GNAS: variants seen among roughly 807,000 people sequenced by gnomAD.
The protein encoded by GNAS is GNAS complex locus.
Under a neutral mutation model 54.5 loss-of-function variants are expected in GNAS, and 8 were observed. The observed-to-expected ratio is 0.15, with a 90% confidence interval of 0.09 to 0.26. GNAS has a LOEUF of 0.26. GNAS is among the 10% of genes least tolerant of loss of function. The pLI is 1.00. For missense variants in GNAS, 170 were observed against 529.8 expected (o/e 0.32, Z 6.67); for synonymous variants, 204 against 191.4 (o/e 1.07, Z -0.54).
chr20:58,900,448 TTGTC>T lies in GNAS; in HGVS notation c.257+1469_257+1472del, dbSNP rs1194625579. On this transcript the variant is annotated intron_variant, in intron 3 of 12. Transcript: ENST00000371085. ...GCGTCTGTCTTCTGTCTTCCTTCCT[TTGTC>T]TGTCTTTTCCCACCAAAGCACAAGG... 13 of 195,300 alleles carry T rather than the reference TTGTC, an allele frequency of 6.7e-5. No homozygotes were observed. The East Asian group carries it at 9.0e-4, about 13-fold the overall frequency. 12.1% of individuals were successfully genotyped at this position (195,300 alleles called of 1,614,324 possible).
chr20:58,856,223 G>GC lies in GNAS; in HGVS notation c.43+15338dup. 1.3e-5 allele frequency: 2 copies of GC among 156,258 alleles called. No individual in the cohort carries two copies. The highest frequency in any genetic ancestry group is 3.8e-4 in the East Asian group (2 of 5,198). The allele number at this position is 156,258 out of a possible 1,614,324, so 9.7% of individuals were successfully genotyped here. ...AAAACCAGACACACAGGTATCTGGG[G>GC]CGCCCGGGGCTGCACACCTCAGTTC... On this transcript the variant is annotated intron_variant, in intron 1 of 12. Coordinates refer to the GNAS transcript ENST00000306090. The surrounding 1 kb of genome is among the most constrained non-coding windows in gnomAD (Gnocchi z 4.2).
intron 6 of GNAS, among the ~76,000 whole-genome samples, chr20:58,905,967 A>T (rs1482850931): frequency 6.6e-6 from 1 of 152,182 alleles, no homozygotes; most frequent in East Asian, 1.9e-4. Context: ...GTAGCTGCCT[A>T]GTGTTACTAG....
At chr20:58,903,624 C>T (rs749512279) in intron 4 of GNAS, 39 bp downstream of exon 4, 5 of 1,613,922 alleles carry the variant, frequency 3.1e-6, no homozygotes, top group African/African-American at 2.7e-5. Context: ...CTTGTAGCGC[C>T]CTCCCAGCCA....
At chr20:58,855,302 C>T in intron 1 of GNAS, 4 of 1,581,548 alleles carry the variant, frequency 2.5e-6, no homozygotes, top group Non-Finnish European at 3.4e-6. Context: ...AAAAGATGGG[C>T]TACATGTGTA....
chr20:58,885,692 T>C (rs931596890), intron 1 of GNAS, among the ~76,000 whole-genome samples: 2 of 152,244 alleles, frequency 1.3e-5, no homozygotes, highest in African/African-American at 4.8e-5. Flanking sequence ...AATAGAGCCT[T>C]CTTACAAGGA....
chr20:58,910,489 C>A lies in GNAS; in HGVS notation c.1038+88C>A. ...TTACTTAATTCCAAATTCAGGGGTTCAGCTACCCAGTTCCATGGTTTTAGT... is the reference window on the plus strand; with the variant it reads ...TTACTTAATTCCAAATTCAGGGGTTAAGCTACCCAGTTCCATGGTTTTAGT... On this transcript the variant is annotated intron_variant, in intron 12 of 12. Coordinates refer to ENST00000371085, the MANE Select transcript of GNAS (RefSeq NM_000516.7). The surrounding 1 kb of genome is among the most constrained non-coding windows in gnomAD (Gnocchi z 5.8). 8.4e-7 allele frequency: 1 copy of A among 1,190,266 alleles called. No homozygotes were observed. The highest frequency in any genetic ancestry group is 1.2e-5 in the South Asian group (1 of 81,860). The allele number at this position is 1,190,266 out of a possible 1,614,324, so 73.7% of individuals were successfully genotyped here.
At chr20:58,840,517 C>T (rs1209403555), upstream of GNAS, 5 of 1,613,520 alleles carry the variant, frequency 3.1e-6, no homozygotes, top group African/African-American at 2.7e-5. This position sits in a 1 kb window ranked among gnomAD's most constrained non-coding sequence, Gnocchi z 6.0. Flanking sequence ...CCACTGAGCC[C>T]GAGACCGAGC....
At chr20:58,890,445 C>T (rs1306339503), upstream of GNAS, among the ~76,000 whole-genome samples, 1 of 151,884 alleles carries the variant, frequency 6.6e-6, no homozygotes, top group Non-Finnish European at 1.5e-5. Flanking sequence ...GCCCGGGCCG[C>T]TCAAGGCTGG....
rs1002587621 is a variant in GNAS at position 58,896,259 on chromosome 20, T to C, written c.212+575T>C. 4.6e-5 allele frequency among the ~76,000 whole-genome samples: 7 copies of C among 152,114 alleles called. No individual in the cohort carries two copies. The East Asian group carries it at 1.3e-3, about 29-fold the overall frequency. ...TTTGTCCCCCTTTAAATTACCATTA[T>C]GGGTAAATCATTGTTTCCCTTTAAA... On this transcript the variant is annotated intron_variant, in intron 2 of 12. Coordinates refer to ENST00000371085, the MANE Select transcript of GNAS (RefSeq NM_000516.7).
At chr20:58,900,902 C>T (rs1331648074) in intron 3 of GNAS, among the ~76,000 whole-genome samples, 1 of 152,184 alleles carries the variant, frequency 6.6e-6, no homozygotes, top group Non-Finnish European at 1.5e-5. Flanking sequence ...ACTTGATATA[C>T]TCCCACACCT....
chr20:58,847,762 CCT>C (rs1399812710), intron 1 of GNAS, among the ~76,000 whole-genome samples: 3 of 152,192 alleles, frequency 2.0e-5, no homozygotes, highest in Admixed American at 6.5e-5. Context: ...ACCTCCCTTC[CCT>C]CTCTCTACTT....
At chr20:58,895,324 C>T in intron 1 of GNAS, 1 of 437,828 alleles carries the variant, frequency 2.3e-6, no homozygotes, top group East Asian at 4.5e-5. Context: ...TTGCCCCTTT[C>T]CAACACCACC....
At chr20:58,844,893 T>C (rs148422459) in intron 1 of GNAS, among the ~76,000 whole-genome samples, 13 of 152,300 alleles carry the variant, frequency 8.5e-5, no homozygotes, top group Admixed American at 2.6e-4. Flanking sequence ...GTTGGCTTCA[T>C]GTAAATTTTG....
At chr20:58,892,282 A>T in intron 1 of GNAS, 1 of 675,688 alleles carries the variant, frequency 1.5e-6, no homozygotes, top group Non-Finnish European at 1.8e-6. Flanking sequence ...TTTCGGGGAC[A>T]GGAAACCGGG....
At chr20:58,891,978 G>T in intron 1 of GNAS, 113 bp downstream of exon 1, 1 of 757,920 alleles carries the variant, frequency 1.3e-6, no homozygotes, top group Non-Finnish European at 1.6e-6. Flanking sequence ...CGAGCCCCCC[G>T]CCCGTTCGCG....
intron 1 of GNAS, among the ~76,000 whole-genome samples, chr20:58,871,626 AAAAC>A (rs1568947211): frequency 2.7e-5 from 4 of 147,662 alleles, no homozygotes; most frequent in Non-Finnish European, 4.5e-5. Flanking sequence ...AAAAAAAAAA[AAAAC>A]AAACAACAAA....
rs2091405930 is a variant in GNAS, at chr20:58,911,056, T to C, written c.*227T>C. ...AAAAAGGAAAAAAGGCCACAAAAGT[T>C]CCCTCTCACTTTCAGTAAAAATAAA... is the stretch of plus-strand genomic sequence containing the variant. On this transcript the variant is annotated 3_prime_UTR_variant, in exon 13 of 13. Transcript: ENST00000371085. 4.5e-6 allele frequency: 3 copies of C among 670,272 alleles called. No homozygotes were observed. The highest frequency in any genetic ancestry group is 8.2e-6 in the Non-Finnish European group (3 of 367,214). 41.5% of individuals were successfully genotyped at this position (670,272 alleles called of 1,614,324 possible).
chr20:58,868,103 C>T (rs377018056), intron 1 of GNAS, among the ~76,000 whole-genome samples: 1 of 151,602 alleles, frequency 6.6e-6, no homozygotes, highest in Non-Finnish European at 1.5e-5. Context: ...TCACTGCAAC[C>T]TCCACCTCCC....
intron 1 of GNAS, chr20:58,882,987 A>G (rs918943981): frequency 1.3e-5 from 2 of 152,106 alleles, no homozygotes; most frequent in African/African-American, 2.4e-5. Context: ...GGTAGCTTAA[A>G]TTAGCCCATC....
Sources: allele counts gnomAD v4.1 joint callset (sites outside exome capture counted in the v4.1 genomes callset), GRCh38; gene constraint gnomAD v4.1.1; non-coding constraint Gnocchi (gnomAD v3.1); transcripts MANE v1.5; gene names NCBI Gene and HGNC (gene_info 2026-07-23, HGNC 2026-07-21).